The following PDK3 variants were observed in gnomAD, a reference collection of about 807,000 sequenced individuals.
PDK3 encodes the protein pyruvate dehydrogenase kinase, isozyme 3.
Under a neutral mutation model 32.0 loss-of-function variants are expected in PDK3, and 12 were observed. The observed-to-expected ratio is 0.37, with a 90% confidence interval of 0.24 to 0.61. PDK3 has a LOEUF of 0.61. Among genes scored for constraint, PDK3 ranks in the 20% least tolerant of loss-of-function variants. PDK3 has a pLI of 0.65. For missense variants in PDK3, 188 were observed against 316.9 expected, an observed-to-expected ratio of 0.59 and a Z score of 3.09; for synonymous variants, 122 against 116.3, an observed-to-expected ratio of 1.05 and a Z score of -0.31.
chrX:24,518,245 G>A (rs1011244585), intron 5 of PDK3, among the ~76,000 whole-genome samples: 27 of 111,771 alleles, frequency 2.4e-4, no homozygotes, highest in African/African-American at 8.8e-4. Context: ...ACTTTTGGGA[G>A]GCCAAAGAGG....
At chrX:24,472,595 A>G (rs1055932612) in intron 1 of PDK3, among the ~76,000 whole-genome samples, 3 of 110,988 alleles carry the variant, frequency 2.7e-5, no homozygotes, top group African/African-American at 9.8e-5. Flanking sequence ...AATATTATCA[A>G]AAACTTTATT....
intron 6 of PDK3, among the ~76,000 whole-genome samples, chrX:24,519,366 CTTT>C (rs1201625079): frequency 2.3e-5 from 2 of 86,695 alleles, no homozygotes; most frequent in African/African-American, 8.6e-5. Flanking sequence ...AGACAAATGC[CTTT>C]TTTTTTTTTT....
intron 5 of PDK3, among the ~76,000 whole-genome samples, chrX:24,516,441 A>G (rs1344448235): frequency 8.9e-6 from 1 of 112,269 alleles, no homozygotes; most frequent in Non-Finnish European, 1.9e-5. Flanking sequence ...GAAACAACCC[A>G]GATGTCTACC....
chrX:24,523,888 A>G (rs1468830702), intron 6 of PDK3, among the ~76,000 whole-genome samples: 2 of 111,916 alleles, frequency 1.8e-5, no homozygotes, highest in Non-Finnish European at 3.8e-5. Flanking sequence ...TCCCTCATAC[A>G]GTGAATCCGG....
chrX:24,535,050 C>A (rs1416456047), downstream of PDK3, among the ~76,000 whole-genome samples: 1 of 112,464 alleles, frequency 8.9e-6, no homozygotes, highest in African/African-American at 3.2e-5. Flanking sequence ...AATCACAGAA[C>A]AAGTTTCACT....
chrX:24,519,884 T>A (rs1446162326), intron 6 of PDK3, among the ~76,000 whole-genome samples: 5 of 112,065 alleles, frequency 4.5e-5, no homozygotes, highest in Admixed American at 1.9e-4. Flanking sequence ...AAATTAAACT[T>A]CAGAACACTT....
At chrX:24,467,330 G>A (rs1224461636) in intron 1 of PDK3, among the ~76,000 whole-genome samples, 1 of 112,308 alleles carries the variant, frequency 8.9e-6, no homozygotes, top group Non-Finnish European at 1.9e-5. Context: ...ACCACTATAC[G>A]ATTGTGATTT....
chrX:24,535,082 T>G (rs1485660986), downstream of PDK3, among the ~76,000 whole-genome samples: 1 of 112,647 alleles, frequency 8.9e-6, no homozygotes, highest in Non-Finnish European at 1.9e-5. Context: ...ATAAGGAAAA[T>G]AATCTGTAGT....
chrX:24,521,336 T>C (rs1361338634), intron 6 of PDK3, among the ~76,000 whole-genome samples: 1 of 104,668 alleles, frequency 9.6e-6, no homozygotes, highest in Admixed American at 1.0e-4. Flanking sequence ...ACACTAAAAA[T>C]GTATTTCTCT....
chrX:24,490,211 C>T (rs1450027194), intron 1 of PDK3, among the ~76,000 whole-genome samples: 1 of 111,992 alleles, frequency 8.9e-6, no homozygotes, highest in Non-Finnish European at 1.9e-5. Context: ...CTCCTGGCCT[C>T]ACATGATCTT....
chrX:24,492,346 TG>T (rs1262838506), intron 1 of PDK3, among the ~76,000 whole-genome samples: 6 of 111,530 alleles, frequency 5.4e-5, no homozygotes, highest in Non-Finnish European at 1.1e-4. Flanking sequence ...GCCAGCACTT[TG>T]GGAGGCCAAG....
intron 1 of PDK3, among the ~76,000 whole-genome samples, chrX:24,475,971 T>A (rs1340455961): frequency 2.7e-5 from 3 of 111,502 alleles, no homozygotes; most frequent in Non-Finnish European, 5.7e-5. Context: ...GGAAAATTGA[T>A]CAGACTGTTG....
chrX:24,498,937 C>T lies in PDK3; in HGVS notation c.320+37C>T, dbSNP rs745822377. 5 of 836,557 alleles carry T rather than the reference C, an allele frequency of 6.0e-6. No homozygotes were observed. The South Asian group carries it at 8.0e-5, about 13-fold the overall frequency. The allele number at this position is 836,557 out of a possible 1,213,427, so 68.9% of individuals were successfully genotyped here. ...ACCACTTAGCTGAAAGTAAAAATATCTAGGTAAGAAAGATTTTGGTAAATG... is the reference window on the plus strand; with the variant it reads ...ACCACTTAGCTGAAAGTAAAAATATTTAGGTAAGAAAGATTTTGGTAAATG... On this transcript the variant is annotated intron_variant, in intron 3 of 10. Coordinates refer to ENST00000379162, the MANE Select transcript of PDK3 (RefSeq NM_005391.5).
chrX:24,516,273 A>T (rs1300735933), intron 5 of PDK3, among the ~76,000 whole-genome samples: 2 of 111,750 alleles, frequency 1.8e-5, no homozygotes, highest in Admixed American at 9.5e-5. Flanking sequence ...GCCTGTCTTC[A>T]AAGAGCTGAT....
intron 6 of PDK3, among the ~76,000 whole-genome samples, chrX:24,523,184 G>A (rs1220577902): frequency 9.0e-6 from 1 of 111,550 alleles, no homozygotes; most frequent in African/African-American, 3.3e-5. Flanking sequence ...TCCTTCCATG[G>A]GGGAAGGAGC....
At chrX:24,499,260 TA>T (rs921861108) in intron 3 of PDK3, among the ~76,000 whole-genome samples, 201 of 108,603 alleles carry the variant, frequency 1.9e-3, no homozygotes, top group African/African-American at 5.9e-3. Context: ...CCTTTACAAT[TA>T]AAAAAAAAAT....
chrX:24,536,970 C>T (rs1331413167), downstream of PDK3, among the ~76,000 whole-genome samples: 1 of 111,381 alleles, frequency 9.0e-6, no homozygotes, highest in Admixed American at 9.6e-5. Flanking sequence ...CTATTTCCAG[C>T]TGGATCCTTA....
chrX:24,532,576 A>G (rs1009376713), intron 10 of PDK3, among the ~76,000 whole-genome samples: 2 of 111,427 alleles, frequency 1.8e-5, no homozygotes, highest in African/African-American at 6.5e-5. Flanking sequence ...TTTTTTGAAT[A>G]GGTAATATAG....
Position 24,518,962 on chromosome X carries a change from G to GA in PDK3, c.627dup (p.Gln210ThrfsTer12). The GA allele has an allele frequency of 8.3e-7, 1 of 1,199,298 alleles. No homozygotes were observed. On this transcript the variant is annotated frameshift_variant, in exon 6 of 11. Transcript: ENST00000379162. LOFTEE classifies it high-confidence loss of function. ...ATATGAAACAGCCAAGATGCTGTGT[G>GA]AACAGTATTACCTGGTAGCTCCAGA... is the stretch of plus-strand genomic sequence containing the variant.
Sources: allele counts gnomAD v4.1 joint callset (sites outside exome capture counted in the v4.1 genomes callset), GRCh38; gene constraint gnomAD v4.1.1; transcripts MANE v1.5; gene names NCBI Gene and HGNC (gene_info 2026-07-23, HGNC 2026-07-21).